The following SH2D3C variants were observed in gnomAD, a reference collection of about 807,000 sequenced individuals.
SH2D3C encodes the protein SH2 domain-containing protein 3C.
SH2D3C carries 25 observed loss-of-function variants against 75.2 expected under a neutral mutation model. The ratio of observed to expected loss-of-function variants is 0.33; its 90% CI spans 0.24 to 0.46. The LOEUF is 0.46. SH2D3C is among the 20% of genes least tolerant of loss of function. The pLI is 1.00. For missense variants in SH2D3C, 933 were observed against 1,165.3 expected (o/e 0.80, Z 2.90); for synonymous variants, 450 against 473.7 (o/e 0.95, Z 0.65).
intron 2 of SH2D3C, among the ~76,000 whole-genome samples, chr9:127,762,691 C>T (rs1194300439): frequency 2.0e-5 from 3 of 152,200 alleles, no homozygotes; most frequent in Admixed American, 1.3e-4. Flanking sequence ...AGCCTTCCCT[C>T]GGGCTCCGTG....
chr9:127,751,280 G>A lies in SH2D3C; in HGVS notation c.576C>T (p.Ile192=). 1.9e-6 allele frequency: 3 copies of A among 1,613,754 alleles called. No homozygotes were observed. The highest frequency in any genetic ancestry group is 2.5e-6 in the Non-Finnish European group (3 of 1,179,670). Residue 192 remains isoleucine, a synonymous_variant, in exon 4 of 12, where the codon ATC becomes ATT. Coordinates refer to ENST00000314830, the MANE Select transcript of SH2D3C (RefSeq NM_170600.3). The surrounding 1 kb of genome is among the most constrained non-coding windows in gnomAD (Gnocchi z 4.1). ...DYVKFSKEKY[I]LDSSPEKLHK... Reference sequence around the variant, plus strand: ...GGAGTTTCTCTGGCGATGAGTCCAGGATGTACTTCTCCTTGGAGAACTGGG... The same window carrying A: ...GGAGTTTCTCTGGCGATGAGTCCAGAATGTACTTCTCCTTGGAGAACTGGG...
rs1247942168 is a variant in SH2D3C at position 127,749,044 on chromosome 9, T to C, written c.1139+167A>G. ...TGGGTCTGACTCCCTGCAAGCCCTGTGTTCTGTACATCCACAGAGTATGGC... is the reference window on the plus strand; with the variant it reads ...TGGGTCTGACTCCCTGCAAGCCCTGCGTTCTGTACATCCACAGAGTATGGC... On this transcript the variant is annotated intron_variant, in intron 5 of 11. Transcript: ENST00000314830. This position sits in a 1 kb window ranked among gnomAD's most constrained non-coding sequence, Gnocchi z 5.9. Among the ~76,000 whole-genome samples, 1 of 152,200 alleles carries C rather than the reference T, an allele frequency of 6.6e-6. No homozygotes were observed. Among genetic ancestry groups the C allele is most frequent in the Non-Finnish European group, 1.5e-5 (1 of 68,018 alleles).
At position 127,747,128 on chromosome 9, in the gene SH2D3C, C is replaced by T. The variant is rs780379479; in HGVS notation, c.1264+19G>A. 5.0e-6 allele frequency: 8 copies of T among 1,609,686 alleles called. No homozygotes were observed. Among genetic ancestry groups the T allele is most frequent in the East Asian group, 4.5e-5 (2 of 44,828 alleles). ...CAACAGATTCCCTCCACCTGCTCCA[C>T]CCCCTCTGCTGGCCATACCAGTGCT... is the stretch of plus-strand genomic sequence containing the variant. On this transcript the variant is annotated intron_variant, in intron 6 of 11. Coordinates refer to ENST00000314830, the MANE Select transcript of SH2D3C (RefSeq NM_170600.3).
intron 3 of SH2D3C, among the ~76,000 whole-genome samples, chr9:127,760,215 G>A (rs1344392943): frequency 6.6e-6 from 1 of 152,112 alleles, no homozygotes; most frequent in African/African-American, 2.4e-5. Flanking sequence ...CTTCTTCCAT[G>A]GGTCCCACAT....
chr9:127,757,436 A>AT (rs542961119), intron 3 of SH2D3C, among the ~76,000 whole-genome samples: 30 of 139,594 alleles, frequency 2.1e-4, no homozygotes, highest in East Asian at 4.2e-4. Context: ...ATGCTCAGCT[A>AT]TTTTTTTTTT....
chr9:127,754,863 G>C lies in SH2D3C; in HGVS notation c.556-3563C>G, dbSNP rs1006399712. Reference sequence around the variant, plus strand: ...GCATCTACCGCAGCCCAGAGTCCCAGGAGTGGCCGCCGAACCCTCACCCCG... The same window carrying C: ...GCATCTACCGCAGCCCAGAGTCCCACGAGTGGCCGCCGAACCCTCACCCCG... On this transcript the variant is annotated intron_variant, in intron 3 of 11. Coordinates refer to ENST00000314830, the MANE Select transcript of SH2D3C (RefSeq NM_170600.3). This position sits in a 1 kb window ranked among gnomAD's most constrained non-coding sequence, Gnocchi z 4.4. The C allele has an allele frequency of 2.0e-6, 1 of 501,276 alleles. No homozygotes were observed. The highest frequency in any genetic ancestry group is 2.3e-5 in the Admixed American group (1 of 43,396). 31.1% of individuals were successfully genotyped at this position (501,276 alleles called of 1,614,324 possible).
rs1404916721 is a variant in SH2D3C, at chr9:127,739,857, A to C, written c.2232T>G (p.Pro744=). 1 of 1,561,210 alleles carries C rather than the reference A, an allele frequency of 6.4e-7. No homozygotes were observed. Among genetic ancestry groups the C allele is most frequent in the Middle Eastern group, 1.7e-4 (1 of 5,854 alleles). The part of the protein sequence containing the change: ...EGPPLSNTTF[P]HVLPLITLLE... Reference sequence around the variant, plus strand: ...GCAGGGTGATGAGGGGCAGCACATGAGGAAACGTGGTGTTGCTCAGCGGCG... The same window carrying C: ...GCAGGGTGATGAGGGGCAGCACATGCGGAAACGTGGTGTTGCTCAGCGGCG... Residue 744 remains proline, a synonymous_variant, in exon 11 of 12, where the codon CCT becomes CCG. Coordinates refer to ENST00000314830, the MANE Select transcript of SH2D3C (RefSeq NM_170600.3). This position sits in a 1 kb window ranked among gnomAD's most constrained non-coding sequence, Gnocchi z 4.3.
chr9:127,770,248 T>C (rs1034359924), intron 2 of SH2D3C, among the ~76,000 whole-genome samples: 2 of 152,058 alleles, frequency 1.3e-5, no homozygotes, highest in Non-Finnish European at 2.9e-5. Flanking sequence ...CAGCCTCACC[T>C]CTTCCCCTTC....
chr9:127,759,937 C>T (rs199810407), intron 3 of SH2D3C, among the ~76,000 whole-genome samples: 37 of 151,344 alleles, frequency 2.4e-4, no homozygotes, highest in East Asian at 7.8e-4. Flanking sequence ...GAGCCAAAAT[C>T]GCACCACTGT....
chr9:127,744,530 G>A (rs1159117659), intron 7 of SH2D3C, 34 bp downstream of exon 7: 1 of 1,570,852 alleles, frequency 6.4e-7, no homozygotes, highest in East Asian at 2.3e-5. Context: ...GAACAGAGAT[G>A]CTCCCTCCAC....
Position 127,767,224 on chromosome 9 carries a change from G to A in SH2D3C, c.516-5574C>T, listed in dbSNP as rs372915602. The A allele has an allele frequency of 3.3e-5, 50 of 1,499,920 alleles. 1 individual carries two copies. Among genetic ancestry groups the A allele is most frequent in the East Asian group, 2.5e-4 (10 of 40,476 alleles). 92.9% of individuals were successfully genotyped at this position (1,499,920 alleles called of 1,614,324 possible). On this transcript the variant is annotated intron_variant, in intron 2 of 11. Coordinates refer to ENST00000314830, the MANE Select transcript of SH2D3C (RefSeq NM_170600.3). The stretch of plus-strand genomic sequence containing the variant: ...GAGCAGGGGCCATTCTTCCCAGAGC[G>A]GAGCTGAGGATGCTGGGCCCTGACA...
rs777765510 is a variant in SH2D3C at position 127,739,976 on chromosome 9, C to T, written c.2201-88G>A. On this transcript the variant is annotated intron_variant, in intron 10 of 11. Coordinates refer to ENST00000314830, the MANE Select transcript of SH2D3C (RefSeq NM_170600.3). This position sits in a 1 kb window ranked among gnomAD's most constrained non-coding sequence, Gnocchi z 4.3. ...CTGGAAGCTGAGGTGCAGGAGGGAACGGGCCTGGCTGAGGTCCGGGAGAGA... is the reference window on the plus strand; with the variant it reads ...CTGGAAGCTGAGGTGCAGGAGGGAATGGGCCTGGCTGAGGTCCGGGAGAGA... The T allele has an allele frequency of 2.4e-5, 31 of 1,284,316 alleles. No homozygotes were observed. The highest frequency in any genetic ancestry group is 3.2e-5 in the Non-Finnish European group (30 of 945,740). 79.6% of individuals were successfully genotyped at this position (1,284,316 alleles called of 1,614,324 possible). A position where few individuals can be genotyped will look rare whatever the true frequency, so the allele number is the denominator to read the frequency against.
rs1180234364 is a variant in SH2D3C, at chr9:127,739,926, T to C, written c.2201-38A>G. On this transcript the variant is annotated intron_variant, in intron 10 of 11. Transcript: ENST00000314830. This position sits in a 1 kb window ranked among gnomAD's most constrained non-coding sequence, Gnocchi z 4.3. Reference sequence around the variant, plus strand: ...AGGCAGCAGGCGCTTAAAGATCCTGTAGTGCCCCACCATCCACTGCAGTCC... The same window carrying C: ...AGGCAGCAGGCGCTTAAAGATCCTGCAGTGCCCCACCATCCACTGCAGTCC... 6.8e-7 allele frequency: 1 copy of C among 1,475,724 alleles called. No homozygotes were observed. Among genetic ancestry groups the C allele is most frequent in the African/African-American group, 1.4e-5 (1 of 71,562 alleles). The allele number at this position is 1,475,724 out of a possible 1,614,324, so 91.4% of individuals were successfully genotyped here.
chr9:127,752,738 C>G (rs576136216), intron 3 of SH2D3C, among the ~76,000 whole-genome samples: 156 of 152,212 alleles, frequency 1.0e-3, no homozygotes, highest in African/African-American at 3.4e-3. Flanking sequence ...TTGACTAGGT[C>G]CCTATCCTGG....
chr9:127,738,650 G>C lies in SH2D3C; in HGVS notation c.*96C>G. 1 of 1,311,334 alleles carries C rather than the reference G, an allele frequency of 7.6e-7. No individual in the cohort carries two copies. Among genetic ancestry groups the C allele is most frequent in the Non-Finnish European group, 1.0e-6 (1 of 977,678 alleles). 81.2% of individuals were successfully genotyped at this position (1,311,334 alleles called of 1,614,324 possible). A position where few individuals can be genotyped will look rare whatever the true frequency, so the allele number is the denominator to read the frequency against. On this transcript the variant is annotated 3_prime_UTR_variant, in exon 12 of 12. Coordinates refer to ENST00000314830, the MANE Select transcript of SH2D3C (RefSeq NM_170600.3). This position sits in a 1 kb window ranked among gnomAD's most constrained non-coding sequence, Gnocchi z 5.0. ...TTGAGTTGAACCCAGAACATTCTCG[G>C]GTTGATCACAGTGTCCTTGGGGTGC...
Position 127,739,197 on chromosome 9 carries a change from A to G in SH2D3C, c.2408-276T>C, listed in dbSNP as rs980157819. On this transcript the variant is annotated intron_variant, in intron 11 of 11. Coordinates refer to ENST00000314830, the MANE Select transcript of SH2D3C (RefSeq NM_170600.3). The surrounding 1 kb of genome is among the most constrained non-coding windows in gnomAD (Gnocchi z 4.3). The stretch of plus-strand genomic sequence containing the variant: ...TTCGTATTTTTCTGTTAAGTTCCAA[A>G]TTATTTCCTAAGAAAGATGTATACA... Among the ~76,000 whole-genome samples the G allele has an allele frequency of 8.5e-5, 13 of 152,114 alleles. No homozygotes were observed. Among genetic ancestry groups the G allele is most frequent in the African/African-American group, 2.9e-4 (12 of 41,402 alleles).
intron 10 of SH2D3C, 144 bp downstream of exon 10, chr9:127,740,114 G>A: frequency 1.3e-6 from 1 of 785,720 alleles, no homozygotes. Flanking sequence ...GAACAGGGCT[G>A]ACACAGCTGC....
rs756843099 is a variant in SH2D3C at position 127,744,719 on chromosome 9, C to A, written c.1645G>T (p.Val549Phe). ...GTGGCCGGGTTGAAGGAAGAAGTGA[C>A]TTCCACGATGGGGACTGTGAAGGTC... ...GKTFTVPIVE[V>F]TSSFNPATFQ... The change falls in exon 7 of 12, where the codon GTC becomes TTC. Residue 549 changes from valine (V) to phenylalanine (F), a missense_variant. Physicochemically the swap from Val to Phe is conservative, Grantham distance 50 (BLOSUM62 -1). Coordinates refer to ENST00000314830, the MANE Select transcript of SH2D3C (RefSeq NM_170600.3). 3.7e-6 allele frequency: 6 copies of A among 1,614,130 alleles called. No homozygotes were observed. In the South Asian group the frequency reaches 5.5e-5, roughly 15 times the overall value.
At position 127,754,351 on chromosome 9, in the gene SH2D3C, C is replaced by T. The variant is rs966103767; in HGVS notation, c.556-3051G>A. 6.6e-6 allele frequency among the ~76,000 whole-genome samples: 1 copy of T among 152,214 alleles called. No homozygotes were observed. Among genetic ancestry groups the T allele is most frequent in the Non-Finnish European group, 1.5e-5 (1 of 67,964 alleles). Reference sequence around the variant, plus strand: ...GCTCAGGGGGCAGGAGCGCGGAGACCCCCGGACAGGGTCTTAACCCCTTCC... The same window carrying T: ...GCTCAGGGGGCAGGAGCGCGGAGACTCCCGGACAGGGTCTTAACCCCTTCC... On this transcript the variant is annotated intron_variant, in intron 3 of 11. Coordinates refer to ENST00000314830, the MANE Select transcript of SH2D3C (RefSeq NM_170600.3). This position sits in a 1 kb window ranked among gnomAD's most constrained non-coding sequence, Gnocchi z 4.4.
Sources: allele counts gnomAD v4.1 joint callset (sites outside exome capture counted in the v4.1 genomes callset), GRCh38; gene constraint gnomAD v4.1.1; non-coding constraint Gnocchi (gnomAD v3.1); transcripts MANE v1.5; gene names NCBI Gene and HGNC (gene_info 2026-07-23, HGNC 2026-07-21).